EPHA5: variants seen among roughly 807,000 people sequenced by gnomAD.
EPHA5 encodes the protein EPH receptor A5.
EPHA5 carries 60 observed loss-of-function variants against 105.0 expected under a neutral mutation model. The observed-to-expected ratio is 0.57, with a 90% CI of 0.46 to 0.71. EPHA5 has a LOEUF of 0.71. EPHA5 is among the 30% of genes least tolerant of loss of function. The pLI is 0.00. For synonymous variants in EPHA5, 513 were observed against 449.1 expected, an observed-to-expected ratio of 1.14 and a Z score of -1.80; for missense variants, 1,218 against 1,274.7, an observed-to-expected ratio of 0.96 and a Z score of 0.68.
intron 5 of EPHA5, among the ~76,000 whole-genome samples, chr4:65,446,112 C>A (rs954981983): frequency 1.3e-5 from 2 of 152,130 alleles, no homozygotes; most frequent in Admixed American, 6.6e-5. Context: ...CTGCTTCACC[C>A]TCATGATATT....
chr4:65,383,083 G>A (rs1719723640), intron 8 of EPHA5, among the ~76,000 whole-genome samples: 2 of 149,018 alleles, frequency 1.3e-5, no homozygotes, highest in Admixed American at 6.8e-5. Context: ...AATTTTATAT[G>A]TAAAAATCTT....
At chr4:65,520,722 A>G (rs9759425) in intron 3 of EPHA5, among the ~76,000 whole-genome samples, 7,899 of 152,242 alleles carry the variant, frequency 0.052, 277 homozygotes, top group African/African-American at 0.1. Context: ...AAGGATGTGA[A>G]CAGACACTTC....
At chr4:65,385,195 C>T (rs1719963333) in intron 8 of EPHA5, among the ~76,000 whole-genome samples, 1 of 151,560 alleles carries the variant, frequency 6.6e-6, no homozygotes, top group African/African-American at 2.4e-5. Context: ...AAAATAACAT[C>T]AATTAAAAAT....
chr4:65,595,275 G>C (rs1220080988), intron 3 of EPHA5, among the ~76,000 whole-genome samples: 1 of 151,728 alleles, frequency 6.6e-6, no homozygotes, highest in East Asian at 1.9e-4. Context: ...ATGTATATAT[G>C]TCCACATTCC....
chr4:65,623,796 A>G (rs1745906700), intron 2 of EPHA5, among the ~76,000 whole-genome samples: 1 of 152,148 alleles, frequency 6.6e-6, no homozygotes, highest in African/African-American at 2.4e-5. Context: ...ATAAAACAAA[A>G]ATTATTGAGG....
rs1560408620 is a variant in EPHA5 at position 65,323,180 on chromosome 4, T to C, written c.*934A>G. On this transcript the variant is annotated 3_prime_UTR_variant, in exon 17 of 17. Coordinates refer to ENST00000613740, the MANE Select transcript of EPHA5 (RefSeq NM_001281766.3). ...AAAAGCCAAAGGGGATTTAGTCTTA[T>C]ACACATTTCCTTTTAGTGAATAAAG... is the stretch of plus-strand genomic sequence containing the variant. 1 of 228,884 alleles carries C rather than the reference T, an allele frequency of 4.4e-6. No homozygotes were observed. The highest frequency in any genetic ancestry group is 8.7e-6 in the Non-Finnish European group (1 of 115,202). The allele number at this position is 228,884 out of a possible 1,614,324, so 14.2% of individuals were successfully genotyped here. A position where few individuals can be genotyped will look rare whatever the true frequency, so the allele number is the denominator to read the frequency against.
chr4:65,426,409 T>C (rs958274798), intron 5 of EPHA5, among the ~76,000 whole-genome samples: 2 of 152,184 alleles, frequency 1.3e-5, no homozygotes, highest in African/African-American at 4.8e-5. Context: ...CAGAATTAAC[T>C]TCCTGACTGA....
In EPHA5 at chr4:65,395,701, T is replaced by C. The variant is rs1205355334; in HGVS notation, c.1793+8673A>G. ...AGGATTGAGCAGTTTTATGTCCAGG[T>C]ACATGATTTGAACATGATCATGACA... On this transcript the variant is annotated intron_variant, in intron 8 of 16. Transcript: ENST00000613740. 2.6e-5 allele frequency among the ~76,000 whole-genome samples: 4 copies of C among 152,326 alleles called. No individual in the cohort carries two copies. In the East Asian group the frequency reaches 7.7e-4, roughly 29 times the overall value.
chr4:65,410,052 T>A (rs543715820), intron 7 of EPHA5, among the ~76,000 whole-genome samples: 217 of 152,296 alleles, frequency 1.4e-3, no homozygotes, highest in Admixed American at 2.3e-3. Context: ...AGTGTTGTAC[T>A]TTTGGAAATT....
rs761869711 is a variant in EPHA5, at chr4:65,415,234, A to G, written c.1528-791T>C. 2.0e-5 allele frequency among the ~76,000 whole-genome samples: 3 copies of G among 152,136 alleles called. No individual in the cohort carries two copies. In the South Asian group the frequency reaches 6.2e-4, roughly 31 times the overall value. On this transcript the variant is annotated intron_variant, in intron 6 of 16. Coordinates refer to ENST00000613740, the MANE Select transcript of EPHA5 (RefSeq NM_001281766.3). ...CATGGATACAGAAATCACATGCTCAAATATAACGGGTCCATTTTTGCTTTT... is the reference window on the plus strand; with the variant it reads ...CATGGATACAGAAATCACATGCTCAGATATAACGGGTCCATTTTTGCTTTT...
At chr4:65,638,511 G>A (rs1747354154) in intron 2 of EPHA5, among the ~76,000 whole-genome samples, 1 of 152,146 alleles carries the variant, frequency 6.6e-6, no homozygotes, top group African/African-American at 2.4e-5. Flanking sequence ...ACCGAGGCAG[G>A]CGTATCACCT....
At chr4:65,507,769 G>A (rs1437633382) in intron 3 of EPHA5, among the ~76,000 whole-genome samples, 1 of 152,096 alleles carries the variant, frequency 6.6e-6, no homozygotes, top group South Asian at 2.1e-4. Context: ...TTTTGGCTGA[G>A]ATGATGGGGT....
intron 6 of EPHA5, among the ~76,000 whole-genome samples, chr4:65,417,487 A>T (rs893416465): frequency 1.3e-5 from 2 of 152,190 alleles, no homozygotes; most frequent in Non-Finnish European, 2.9e-5. Flanking sequence ...CTTTTATTTT[A>T]AAAAGGAAAA....
chr4:65,474,428 C>T (rs186987671), intron 5 of EPHA5, among the ~76,000 whole-genome samples: 52 of 152,038 alleles, frequency 3.4e-4, no homozygotes, highest in Non-Finnish European at 6.0e-4. Flanking sequence ...TTGTTCATAC[C>T]ACAAGTCTAG....
At chr4:65,467,306 G>T (rs1728814587) in intron 5 of EPHA5, among the ~76,000 whole-genome samples, 3 of 152,108 alleles carry the variant, frequency 2.0e-5, no homozygotes, top group Admixed American at 1.3e-4. Flanking sequence ...TCCAACAGTG[G>T]TAGATTTATT....
intron 3 of EPHA5, among the ~76,000 whole-genome samples, chr4:65,543,493 ATACT>A (rs1343852005): frequency 6.6e-6 from 1 of 152,058 alleles, no homozygotes; most frequent in African/African-American, 2.4e-5. Context: ...ATAGAATAAA[ATACT>A]TAGGAATACA....
intron 1 of EPHA5, among the ~76,000 whole-genome samples, chr4:65,646,305 A>C (rs2149519983): frequency 6.6e-6 from 1 of 152,302 alleles, no homozygotes; most frequent in South Asian, 2.1e-4. Flanking sequence ...CTATGAACCT[A>C]GCCTCAGTTC....
chr4:65,548,848 G>A (rs545120406), intron 3 of EPHA5, among the ~76,000 whole-genome samples: 1 of 152,236 alleles, frequency 6.6e-6, no homozygotes, highest in East Asian at 1.9e-4. Flanking sequence ...CTCACTGAGT[G>A]TTGAGGTGTC....
At chr4:65,546,328 A>T (rs144315871) in intron 3 of EPHA5, among the ~76,000 whole-genome samples, 1 of 151,936 alleles carries the variant, frequency 6.6e-6, no homozygotes, top group Non-Finnish European at 1.5e-5. Context: ...TCTTCTCAGT[A>T]ACATTTTCTT....
Sources: allele counts gnomAD v4.1 joint callset (sites outside exome capture counted in the v4.1 genomes callset), GRCh38; gene constraint gnomAD v4.1.1; transcripts MANE v1.5; gene names NCBI Gene and HGNC (gene_info 2026-07-23, HGNC 2026-07-21).